The following CAMK2D variants were observed in gnomAD, a reference collection of about 807,000 sequenced individuals.
The protein encoded by CAMK2D is calcium/calmodulin-dependent protein kinase type II subunit delta.
In CAMK2D, 37 loss-of-function variants were observed where a neutral mutation model predicts 84.0. The observed-to-expected ratio is 0.44, with a 90% CI of 0.34 to 0.58. The LOEUF (loss-of-function observed/expected upper bound fraction) is 0.58, where lower values mean the gene tolerates loss of function less well. Ranked by LOEUF, CAMK2D falls within the 20% of genes least tolerant of loss-of-function variation. The probability of loss-of-function intolerance (pLI) is 0.02; values close to 1 mark genes in which losing one functional copy is unlikely to be tolerated. For missense variants in CAMK2D, 448 were observed against 652.5 expected (o/e 0.69, Z 3.41); for synonymous variants, 202 against 212.5 (o/e 0.95, Z 0.43).
At chr4:113,581,196 C>T (rs1311085879) in intron 4 of CAMK2D, among the ~76,000 whole-genome samples, 1 of 151,908 alleles carries the variant, frequency 6.6e-6, no homozygotes, top group Non-Finnish European at 1.5e-5. Flanking sequence ...CTTTTCTATA[C>T]CTAAATAACT....
intron 16 of CAMK2D, among the ~76,000 whole-genome samples, chr4:113,491,951 G>C (rs527524477): frequency 7.4e-4 from 113 of 152,150 alleles, no homozygotes; most frequent in South Asian, 5.0e-3. Context: ...AGTATTCTCT[G>C]ATGGTAGTTT....
At chr4:113,733,672 T>C (rs2099574370) in intron 2 of CAMK2D, among the ~76,000 whole-genome samples, 1 of 152,222 alleles carries the variant, frequency 6.6e-6, no homozygotes, top group Non-Finnish European at 1.5e-5. Flanking sequence ...AAGATATAGT[T>C]ACTTAACATG....
intron 2 of CAMK2D, among the ~76,000 whole-genome samples, chr4:113,691,428 A>C (rs1177915086): frequency 6.6e-6 from 1 of 152,222 alleles, no homozygotes; most frequent in Non-Finnish European, 1.5e-5. Flanking sequence ...CCTGAGCTAC[A>C]ATCATTCTAC....
chr4:113,736,401 T>G (rs2099581445), intron 2 of CAMK2D, among the ~76,000 whole-genome samples: 1 of 152,180 alleles, frequency 6.6e-6, no homozygotes, highest in East Asian at 1.9e-4. Flanking sequence ...CCTCAATATT[T>G]AAAATATACT....
intron 11 of CAMK2D, among the ~76,000 whole-genome samples, 163 bp from the exon 12 acceptor site, chr4:113,513,533 T>C (rs1172239919): frequency 6.6e-6 from 1 of 152,168 alleles, no homozygotes; most frequent in Non-Finnish European, 1.5e-5. Context: ...TCAAAGGCCT[T>C]TGTCTCTCAT....
rs983121119 is a variant in CAMK2D, at chr4:113,761,522, C to T, written c.-454G>A. The T allele has an allele frequency of 9.9e-7, 1 of 1,011,330 alleles. No homozygotes were observed. The highest frequency in any genetic ancestry group is 1.2e-6 in the Non-Finnish European group (1 of 845,642). 62.6% of individuals were successfully genotyped at this position (1,011,330 alleles called of 1,614,324 possible). A position where few individuals can be genotyped will look rare whatever the true frequency, so the allele number is the denominator to read the frequency against. On this transcript the variant is annotated 5_prime_UTR_variant, in exon 1 of 21. Transcript: ENST00000511664. The stretch of plus-strand genomic sequence containing the variant: ...CCGAGGGGGCGGAGGTGGAGTGCAG[C>T]GGGGCCGAGGCCGCGGAGCCCAGAG...
intron 3 of CAMK2D, among the ~76,000 whole-genome samples, chr4:113,629,584 C>T (rs1007296805): frequency 6.6e-6 from 1 of 151,764 alleles, no homozygotes; most frequent in Non-Finnish European, 1.5e-5. Flanking sequence ...ATTTATCTCA[C>T]TATATTTAGT....
At chr4:113,591,897 G>A (rs2098888579) in intron 4 of CAMK2D, among the ~76,000 whole-genome samples, 1 of 152,006 alleles carries the variant, frequency 6.6e-6, no homozygotes, top group South Asian at 2.1e-4. Flanking sequence ...TTTCCTTCTG[G>A]GAGCTCACCT....
intron 4 of CAMK2D, among the ~76,000 whole-genome samples, chr4:113,599,045 C>T (rs905385646): frequency 3.3e-5 from 5 of 152,100 alleles, no homozygotes; most frequent in East Asian, 3.9e-4. Context: ...AGATGGTAAG[C>T]GAGCATATGA....
intron 3 of CAMK2D, among the ~76,000 whole-genome samples, chr4:113,638,807 T>C (rs1045163778): frequency 3.9e-5 from 6 of 152,132 alleles, no homozygotes; most frequent in Admixed American, 3.3e-4. Context: ...TCCAAAGACA[T>C]GTTAGGGAGA....
intron 16 of CAMK2D, among the ~76,000 whole-genome samples, chr4:113,470,253 C>T (rs1554644315): frequency 1.3e-5 from 2 of 152,126 alleles, no homozygotes; most frequent in Non-Finnish European, 2.9e-5. Flanking sequence ...ATTACCAGCC[C>T]TTTATATGTA....
chr4:113,478,002 C>T (rs1031046320), intron 16 of CAMK2D, among the ~76,000 whole-genome samples: 4 of 151,932 alleles, frequency 2.6e-5, no homozygotes, highest in African/African-American at 9.7e-5. Flanking sequence ...GAACAGTCTT[C>T]AAAGACACCA....
intron 6 of CAMK2D, among the ~76,000 whole-genome samples, chr4:113,543,821 T>TCG (rs2098548183): frequency 6.6e-6 from 1 of 151,620 alleles, no homozygotes; most frequent in Non-Finnish European, 1.5e-5. Flanking sequence ...AGACAGAGTC[T>TCG]CGCTCTGTTG....
intron 3 of CAMK2D, among the ~76,000 whole-genome samples, chr4:113,642,847 A>C (rs1042002694): frequency 1.3e-5 from 2 of 152,044 alleles, no homozygotes; most frequent in Admixed American, 1.3e-4. Context: ...CCCCTCTCAT[A>C]CAGTTTCTAC....
chr4:113,575,166 G>A (rs552461667), intron 4 of CAMK2D, among the ~76,000 whole-genome samples: 13 of 152,144 alleles, frequency 8.5e-5, no homozygotes, highest in African/African-American at 2.9e-4. Flanking sequence ...CTGTCTTAAG[G>A]AACTTAAAAA....
At chr4:113,696,199 C>CAG (rs2099402205) in intron 2 of CAMK2D, among the ~76,000 whole-genome samples, 1 of 6,290 alleles carries the variant, frequency 1.6e-4, no homozygotes, top group African/African-American at 2.2e-4. Flanking sequence ...CACACAGACA[C>CAG]ACACACACAC....
intron 16 of CAMK2D, among the ~76,000 whole-genome samples, chr4:113,469,464 C>A (rs906636777): frequency 9.2e-5 from 14 of 152,114 alleles, no homozygotes; most frequent in African/African-American, 3.1e-4. Context: ...TGCTTCAATT[C>A]CTTCTAAAGA....
At chr4:113,469,767 T>TA (rs1031716097) in intron 16 of CAMK2D, among the ~76,000 whole-genome samples, 15 of 152,310 alleles carry the variant, frequency 9.8e-5, no homozygotes, top group Admixed American at 4.6e-4. Context: ...CTCAGTTGCA[T>TA]AAGCCAGAAA....
At chr4:113,526,786 G>GATA (rs1191539351) in intron 8 of CAMK2D, among the ~76,000 whole-genome samples, 5 of 151,924 alleles carry the variant, frequency 3.3e-5, no homozygotes, top group African/African-American at 1.2e-4. Context: ...TCCAAACTCT[G>GATA]ATAATACATC....
Sources: allele counts gnomAD v4.1 joint callset (sites outside exome capture counted in the v4.1 genomes callset), GRCh38; gene constraint gnomAD v4.1.1; transcripts MANE v1.5; gene names NCBI Gene and HGNC (gene_info 2026-07-23, HGNC 2026-07-21).